Variants in HERC6 observed in about 807,000 individuals in gnomAD.
HERC6 encodes probable E3 ubiquitin-protein ligase HERC6.
Under a neutral mutation model 114.5 loss-of-function variants are expected in HERC6, and 101 were observed. That is an observed-to-expected ratio of 0.88 (90% CI 0.75 to 1.04). The LOEUF (loss-of-function observed/expected upper bound fraction) is 1.04. Among genes scored for constraint, HERC6 ranks in the 50% least tolerant of loss-of-function variants. HERC6 has a pLI of 0.00. For missense variants in HERC6, 1,133 were observed against 1,230.9 expected, an observed-to-expected ratio of 0.92 and a Z score of 1.19; for synonymous variants, 408 against 436.2, an observed-to-expected ratio of 0.94 and a Z score of 0.81.
chr4:88,402,664 G>A (rs1735605752), intron 8 of HERC6, among the ~76,000 whole-genome samples: 1 of 152,214 alleles, frequency 6.6e-6, no homozygotes, highest in Non-Finnish European at 1.5e-5. Context: ...GAAGAAGACA[G>A]CAAGGTGCCG....
intron 12 of HERC6, among the ~76,000 whole-genome samples, chr4:88,414,490 C>T (rs1469331646): frequency 2.0e-5 from 3 of 151,944 alleles, no homozygotes; most frequent in East Asian, 1.9e-4. Context: ...ATTCAGGGAG[C>T]GTCTATAAAG....
rs761039372 is a variant in HERC6 at position 88,440,071 on chromosome 4, A to G, written c.2739+14A>G. The G allele has an allele frequency of 6.2e-7, 1 of 1,607,842 alleles. No individual in the cohort carries two copies. The highest frequency in any genetic ancestry group is 8.5e-7 in the Non-Finnish European group (1 of 1,177,416). On this transcript the variant is annotated intron_variant, in intron 21 of 22. Transcript: ENST00000264346. ...CAGTTTGAACAGGTAGGTGATACCT[A>G]AAGTGCCCCAATTTTTCCGAACAAC...
chr4:88,417,708 GA>G, intron 13 of HERC6, 129 bp downstream of exon 13: 3 of 698,986 alleles, frequency 4.3e-6, no homozygotes, highest in Non-Finnish European at 6.6e-6. Flanking sequence ...AAGGAGTATA[GA>G]AAAGGGAAAT....
At chr4:88,436,850 T>G in intron 18 of HERC6, 55 bp from the exon 19 acceptor site, 1 of 1,227,292 alleles carries the variant, frequency 8.1e-7, no homozygotes, top group Non-Finnish European at 1.2e-6. Flanking sequence ...GAAAATTACT[T>G]GTGAAACTTT....
chr4:88,415,223 C>T (rs533976993), intron 12 of HERC6, among the ~76,000 whole-genome samples: 1 of 152,252 alleles, frequency 6.6e-6, no homozygotes, highest in South Asian at 2.1e-4. Flanking sequence ...CTTGCTTTCT[C>T]CCACTAAACA....
At chr4:88,402,607 G>A (rs1442188166) in intron 8 of HERC6, among the ~76,000 whole-genome samples, 1 of 152,166 alleles carries the variant, frequency 6.6e-6, no homozygotes, top group Non-Finnish European at 1.5e-5. Flanking sequence ...CAGTTCTGAA[G>A]TAACCAAGAG....
rs1245620883 is a variant in HERC6 at position 88,383,299 on chromosome 4, A to G, written c.278A>G (p.Lys93Arg). Reference sequence around the variant, plus strand: ...GAGCACTCCCTGGCTGTGTGCCACAAAGGAAGGGTCTTCGCATGGGGAGCT... The same window carrying G: ...GAGCACTCCCTGGCTGTGTGCCACAGAGGAAGGGTCTTCGCATGGGGAGCT... ...GKEHSLAVCH[K>R]GRVFAWGAGS... The change falls in exon 2 of 23, where the codon AAA (lysine) becomes AGA (arginine). Residue 93 changes from lysine to arginine, a missense_variant. Transcript: ENST00000264346. 3 of 1,593,608 alleles carry G rather than the reference A, an allele frequency of 1.9e-6. No individual in the cohort carries two copies. The highest frequency in any genetic ancestry group is 2.3e-5 in the South Asian group (2 of 87,610).
intron 3 of HERC6, among the ~76,000 whole-genome samples, chr4:88,388,424 A>T (rs1256710812): frequency 6.6e-6 from 1 of 151,986 alleles, no homozygotes; most frequent in Non-Finnish European, 1.5e-5. Context: ...GGTGGCAGGT[A>T]CCTGCAATCC....
intron 22 of HERC6, among the ~76,000 whole-genome samples, chr4:88,441,048 C>A (rs891421679): frequency 1.4e-5 from 2 of 146,328 alleles, no homozygotes; most frequent in Non-Finnish European, 3.0e-5. Flanking sequence ...AAGCCTGTTT[C>A]TTTTTTTTTT....
At chr4:88,394,891 A>G (rs185329037) in intron 5 of HERC6, among the ~76,000 whole-genome samples, 1 of 152,328 alleles carries the variant, frequency 6.6e-6, no homozygotes, top group Admixed American at 6.5e-5. Flanking sequence ...GATAAAAATT[A>G]TTATAGAAGC....
At chr4:88,380,159 A>G (rs1424741114) in intron 1 of HERC6, among the ~76,000 whole-genome samples, 1 of 35,120 alleles carries the variant, frequency 2.8e-5, no homozygotes, top group Non-Finnish European at 4.7e-5. Context: ...TATATATAAT[A>G]TATAAATATA....
rs922031266 is a variant in HERC6, at chr4:88,431,272, T to C, written c.2217T>C (p.Pro739=). The stretch of plus-strand genomic sequence containing the variant: ...CAGAATATGGAATGTTCATGTATCC[T>C]GAAATGGGTTCCTGCATGTGGTTTC... ...TKPEYGMFMY[P]EMGSCMWFPA... The change falls in exon 17 of 23, where the codon CCT becomes CCC. Residue 739 remains proline (P), a synonymous_variant. Transcript: ENST00000264346. 3.1e-6 allele frequency: 5 copies of C among 1,609,442 alleles called. No homozygotes were observed. Among genetic ancestry groups the C allele is most frequent in the Non-Finnish European group, 4.2e-6 (5 of 1,178,494 alleles).
intron 1 of HERC6, among the ~76,000 whole-genome samples, 199 bp downstream of exon 1, chr4:88,379,319 G>T (rs1018166009): frequency 1.3e-5 from 2 of 152,074 alleles, no homozygotes; most frequent in Non-Finnish European, 2.9e-5. Flanking sequence ...GATTCCTCGG[G>T]GCCCGAAGAG....
At position 88,440,184 on chromosome 4, in the gene HERC6, C is replaced by T. The variant is rs1276350467; in HGVS notation, c.2776C>T (p.Pro926Ser). The T allele has an allele frequency of 3.1e-6, 5 of 1,608,890 alleles. No individual in the cohort carries two copies. In the Admixed American group the frequency reaches 6.8e-5, roughly 22 times the overall value. The change falls in exon 22 of 23, where the codon CCT (proline) becomes TCT (serine). Residue 926 changes from proline (P) to serine (S), a missense_variant. By Grantham distance (74) the Pro-to-Ser change is moderately conservative. Coordinates refer to ENST00000264346, the MANE Select transcript of HERC6 (RefSeq NM_017912.4). ...TGAGCAAGGATACCAAAAATCACAT[C>T]CTACTATACAGTTGTTTTGGAAGGC... ...KYEQGYQKSH[P>S]TIQLFWKAFH...
chr4:88,430,609 T>TAAATAAAA (rs1553918199), intron 16 of HERC6, among the ~76,000 whole-genome samples: 15 of 150,988 alleles, frequency 9.9e-5, no homozygotes, highest in East Asian at 7.7e-4. Context: ...AATAAATAAA[T>TAAATAAAA]AAAAAGAGGG....
intron 15 of HERC6, among the ~76,000 whole-genome samples, chr4:88,427,815 C>T (rs914628500): frequency 6.6e-6 from 1 of 152,166 alleles, no homozygotes; most frequent in South Asian, 2.1e-4. Flanking sequence ...CATTTATTGT[C>T]CTTGTGATGT....
At chr4:88,429,243 T>C (rs920338034) in intron 16 of HERC6, among the ~76,000 whole-genome samples, 2 of 152,176 alleles carry the variant, frequency 1.3e-5, no homozygotes, top group Admixed American at 6.5e-5. Flanking sequence ...AGGTGCAAGA[T>C]AGCAAGACCA....
Position 88,417,724 on chromosome 4 carries a change from G to A in HERC6, c.1713+145G>A, listed in dbSNP as rs1327493588. On this transcript the variant is annotated intron_variant, in intron 13 of 22. Transcript: ENST00000264346. The stretch of plus-strand genomic sequence containing the variant: ...AGGAGTATAGAAAAGGGAAATGTTT[G>A]GCATAAAATAATTAGGGATTTAAAA... 6 of 639,466 alleles carry A rather than the reference G, an allele frequency of 9.4e-6. No homozygotes were observed. The Admixed American group carries it at 1.9e-4, about 20-fold the overall frequency. 39.6% of individuals were successfully genotyped at this position (639,466 alleles called of 1,614,324 possible). A position where few individuals can be genotyped will look rare whatever the true frequency, so the allele number is the denominator to read the frequency against.
At chr4:88,379,199 C>G in intron 1 of HERC6, 79 bp downstream of exon 1, 1 of 1,208,590 alleles carries the variant, frequency 8.3e-7, no homozygotes, top group Non-Finnish European at 1.1e-6. Context: ...GCGCAGGGAA[C>G]CGGGTGCGGA....
Sources: gnomAD v4.1 joint callset for allele counts (sites outside exome capture counted in the v4.1 genomes callset) on GRCh38, gnomAD v4.1.1 for gene constraint, MANE v1.5 for transcripts, NCBI Gene and HGNC (gene_info 2026-07-23, HGNC 2026-07-21) for gene names.